RPTOR: variants seen among roughly 807,000 people sequenced by gnomAD.
RPTOR encodes the protein regulatory associated protein of MTOR complex 1.
In RPTOR, 21 loss-of-function variants were observed where a neutral mutation model predicts 169.9. The observed-to-expected ratio is 0.12, with a 90% CI of 0.09 to 0.18. The LOEUF (loss-of-function observed/expected upper bound fraction) is 0.18, where lower values mean the gene tolerates loss of function less well. Among genes scored for constraint, RPTOR ranks in the 10% least tolerant of loss-of-function variants. RPTOR has a pLI of 1.00. For missense variants in RPTOR, 1,133 were observed against 1,855.9 expected, an observed-to-expected ratio of 0.61 and a Z score of 7.16; for synonymous variants, 732 against 753.2, an observed-to-expected ratio of 0.97 and a Z score of 0.46.
At chr17:80,885,261 G>A (rs928012632) in intron 17 of RPTOR, 113 bp downstream of exon 17, 43 of 1,199,314 alleles carry the variant, frequency 3.6e-5, no homozygotes, top group African/African-American at 4.6e-5. Flanking sequence ...TTTCCACTGC[G>A]TGTCATTGCG....
chr17:80,858,477 G>T (rs924491583), intron 13 of RPTOR, among the ~76,000 whole-genome samples: 1 of 152,208 alleles, frequency 6.6e-6, no homozygotes, highest in Non-Finnish European at 1.5e-5. Flanking sequence ...AATCATCTAG[G>T]CCAGGGACCC....
At chr17:80,605,316 G>A (rs1430905466) in intron 1 of RPTOR, among the ~76,000 whole-genome samples, 1 of 152,144 alleles carries the variant, frequency 6.6e-6, no homozygotes, top group African/African-American at 2.4e-5. Context: ...CTGGGAGAGG[G>A]GCTTTGTGAT....
chr17:80,934,550 G>A (rs1014111315), intron 24 of RPTOR, among the ~76,000 whole-genome samples: 2 of 152,110 alleles, frequency 1.3e-5, no homozygotes, highest in African/African-American at 4.8e-5. Context: ...ACAGAGATGG[G>A]GACTCGCTAT....
rs756674876 is a variant in RPTOR at position 80,949,558 on chromosome 17, C to T, written c.3370+11C>T. ...TGCCAACGACGCGAGGTGGGTCCGC[C>T]CGGCTCCTCCCCAGAGCAGAATGTG... On this transcript the variant is annotated intron_variant, in intron 28 of 33. Coordinates refer to ENST00000306801, the MANE Select transcript of RPTOR (RefSeq NM_020761.3). 6.2e-7 allele frequency: 1 copy of T among 1,607,946 alleles called. No homozygotes were observed. Among genetic ancestry groups the T allele is most frequent in the Non-Finnish European group, 8.5e-7 (1 of 1,175,050 alleles).
At chr17:80,790,296 A>G (rs921046705) in intron 6 of RPTOR, among the ~76,000 whole-genome samples, 33 of 152,246 alleles carry the variant, frequency 2.2e-4, no homozygotes, top group African/African-American at 7.7e-4. Flanking sequence ...TACTGCAGCC[A>G]CAACCAAGAA....
intron 13 of RPTOR, among the ~76,000 whole-genome samples, chr17:80,864,859 C>T (rs560200870): frequency 8.6e-5 from 13 of 152,022 alleles, no homozygotes; most frequent in Non-Finnish European, 2.9e-5. Flanking sequence ...TTTTTCCTTA[C>T]GAGACAAGGT....
chr17:80,590,774 C>A (rs1256896747), intron 1 of RPTOR, among the ~76,000 whole-genome samples: 2 of 151,970 alleles, frequency 1.3e-5, no homozygotes, highest in Non-Finnish European at 2.9e-5. Flanking sequence ...GTAATTTTTT[C>A]CTGTACAGTT....
chr17:80,813,489 C>T (rs879387303), intron 7 of RPTOR, among the ~76,000 whole-genome samples: 1 of 152,132 alleles, frequency 6.6e-6, no homozygotes, highest in Non-Finnish European at 1.5e-5. Flanking sequence ...GCTGGATGAA[C>T]TCATCACGCT....
At chr17:80,866,340 A>G (rs1266370134) in intron 13 of RPTOR, among the ~76,000 whole-genome samples, 1 of 152,184 alleles carries the variant, frequency 6.6e-6, no homozygotes, top group Non-Finnish European at 1.5e-5. Context: ...TAGACAATGC[A>G]TTGGAAAAGA....
At chr17:80,600,927 G>A (rs62068300) in intron 1 of RPTOR, among the ~76,000 whole-genome samples, 4 of 74,744 alleles carry the variant, frequency 5.4e-5, no homozygotes, top group African/African-American at 9.5e-5. Context: ...GTCTCCCGCC[G>A]CACGTGCCCT....
At chr17:80,848,418 T>C (rs2067756395) in intron 11 of RPTOR, among the ~76,000 whole-genome samples, 1 of 152,260 alleles carries the variant, frequency 6.6e-6, no homozygotes, top group African/African-American at 2.4e-5. Flanking sequence ...CCTAGATTCG[T>C]TTAAGACTAT....
chr17:80,865,734 T>G lies in RPTOR; in HGVS notation c.1509+7834T>G, dbSNP rs116908770. Reference sequence around the variant, plus strand: ...GGAGGTTTCAGTGCTCCTTTCTCAGTAACTGACGGAACAAGCAGAAGAGAA... The same window carrying G: ...GGAGGTTTCAGTGCTCCTTTCTCAGGAACTGACGGAACAAGCAGAAGAGAA... On this transcript the variant is annotated intron_variant, in intron 13 of 33. Transcript: ENST00000306801. 1.3e-3 allele frequency among the ~76,000 whole-genome samples: 204 copies of G among 152,074 alleles called. 6 individuals are homozygous for G. The East Asian group carries it at 0.034, about 25-fold the overall frequency.
chr17:80,613,228 G>T (rs1474936178), intron 1 of RPTOR, among the ~76,000 whole-genome samples: 1 of 152,184 alleles, frequency 6.6e-6, no homozygotes, highest in Non-Finnish European at 1.5e-5. Flanking sequence ...TCTCTCTCCA[G>T]ACTCGAGTGA....
intron 4 of RPTOR, among the ~76,000 whole-genome samples, chr17:80,718,576 C>T (rs1011140094): frequency 2.6e-5 from 4 of 152,158 alleles, no homozygotes; most frequent in Non-Finnish European, 5.9e-5. Flanking sequence ...TGGAGGGGGC[C>T]TCCTGGAGAA....
intron 5 of RPTOR, among the ~76,000 whole-genome samples, chr17:80,744,123 ACAGCC>A: frequency 1.8e-5 from 2 of 109,034 alleles, no homozygotes; most frequent in African/African-American, 3.6e-5. Context: ...GGTTACTAGC[ACAGCC>A]CTGGCTACTA....
At chr17:80,885,225 C>T in intron 17 of RPTOR, 77 bp downstream of exon 17, 1 of 1,485,062 alleles carries the variant, frequency 6.7e-7, no homozygotes, top group Non-Finnish European at 9.0e-7. Flanking sequence ...GCCCGCATGG[C>T]CCTGACCACA....
chr17:80,568,232 C>T (rs2064867290), intron 1 of RPTOR, among the ~76,000 whole-genome samples: 1 of 152,156 alleles, frequency 6.6e-6, no homozygotes. Flanking sequence ...TTCTAGGCTT[C>T]ATTCCTTTTA....
At chr17:80,680,698 A>G (rs1009369697) in intron 3 of RPTOR, among the ~76,000 whole-genome samples, 1 of 152,074 alleles carries the variant, frequency 6.6e-6, no homozygotes, top group Non-Finnish European at 1.5e-5. Context: ...TGTTTGTTAG[A>G]TAAATTGTTA....
intron 11 of RPTOR, among the ~76,000 whole-genome samples, chr17:80,848,839 C>T (rs1240281450): frequency 1.3e-5 from 2 of 152,230 alleles, no homozygotes; most frequent in East Asian, 3.8e-4. Context: ...TTCAATGTTC[C>T]CTTGGCCACC....
Sources: allele counts gnomAD v4.1 joint callset (sites outside exome capture counted in the v4.1 genomes callset), GRCh38; gene constraint gnomAD v4.1.1; transcripts MANE v1.5; gene names NCBI Gene and HGNC (gene_info 2026-07-23, HGNC 2026-07-21).